KLF13: variants seen among roughly 807,000 people sequenced by gnomAD.
The protein encoded by KLF13 is KLF transcription factor 13, also known as Krueppel-like factor 13.
A neutral mutation model predicts 16.7 loss-of-function variants in KLF13; 8 were observed. That is an observed-to-expected ratio of 0.48 (90% CI 0.28 to 0.87). The LOEUF is 0.87. KLF13 is among the 40% of genes least tolerant of loss of function. The probability of loss-of-function intolerance (pLI) is 0.10; values close to 1 mark genes in which losing one functional copy is unlikely to be tolerated. For missense variants in KLF13, 447 were observed against 452.2 expected (o/e 0.99, Z 0.10); for synonymous variants, 245 against 208.4 (o/e 1.18, Z -1.51).
chr15:31,393,861 A>G (rs1172048396), intron 2 of KLF13, among the ~76,000 whole-genome samples: 1 of 152,074 alleles, frequency 6.6e-6, no homozygotes. Flanking sequence ...GCCTGGCTGG[A>G]GGGCACCGGG....
chr15:31,338,585 G>T (rs1003341095), intron 1 of KLF13, among the ~76,000 whole-genome samples: 3 of 152,200 alleles, frequency 2.0e-5, no homozygotes, highest in African/African-American at 7.2e-5. Context: ...AGCCGTGGCT[G>T]TGTAGGCAGA....
intron 1 of KLF13, among the ~76,000 whole-genome samples, chr15:31,355,857 A>C (rs1469922521): frequency 6.6e-6 from 1 of 150,988 alleles, no homozygotes; most frequent in Non-Finnish European, 1.5e-5. Flanking sequence ...CCACACACCC[A>C]GTGTGGCCTG....
intron 1 of KLF13, among the ~76,000 whole-genome samples, chr15:31,386,896 G>C (rs1284114523): frequency 6.6e-6 from 1 of 152,184 alleles, no homozygotes; most frequent in South Asian, 2.1e-4. Context: ...ATGACAGCAC[G>C]TCTATTTACA....
At chr15:31,401,470 T>C (rs1041995070) in intron 2 of KLF13, among the ~76,000 whole-genome samples, 1 of 152,284 alleles carries the variant, frequency 6.6e-6, no homozygotes, top group Middle Eastern at 3.4e-3. Flanking sequence ...GGCTGCCTGC[T>C]TTGAGGGGAG....
chr15:31,327,255 C>G lies in KLF13; in HGVS notation c.43C>G (p.Leu15Val). The G allele has an allele frequency of 7.3e-7, 1 of 1,376,846 alleles. No homozygotes were observed. Among genetic ancestry groups the G allele is most frequent in the Non-Finnish European group, 9.4e-7 (1 of 1,063,350 alleles). The allele number at this position is 1,376,846 out of a possible 1,614,324, so 85.3% of individuals were successfully genotyped here. A position where few individuals can be genotyped will look rare whatever the true frequency, so the allele number is the denominator to read the frequency against. The change falls in exon 1 of 2, where the codon CTC becomes GTC. Residue 15 changes from leucine to valine, a missense_variant. Transcript: ENST00000307145. ...AYVDHFAAECLVSMSSRAVVH... is the reference protein window; with the variant it reads ...AYVDHFAAECVVSMSSRAVVH... ...TGTGGACCACTTCGCCGCCGAGTGC[C>G]TCGTGTCCATGTCGAGCCGCGCGGT...
chr15:31,414,903 A>G (rs1277908940), intron 1 of KLF13, among the ~76,000 whole-genome samples: 1 of 152,300 alleles, frequency 6.6e-6, no homozygotes, highest in Admixed American at 6.5e-5. Flanking sequence ...TCCAAATCTC[A>G]TGTTGAAATT....
chr15:31,388,761 A>T (rs543206230), upstream of KLF13, among the ~76,000 whole-genome samples: 1 of 137,724 alleles, frequency 7.3e-6, no homozygotes, highest in South Asian at 2.4e-4. Context: ...AGGTTAAAAA[A>T]TCCCAAAAAA....
At chr15:31,385,435 T>C (rs139558731) in intron 1 of KLF13, among the ~76,000 whole-genome samples, 12 of 152,384 alleles carry the variant, frequency 7.9e-5, no homozygotes, top group Middle Eastern at 6.8e-3. Flanking sequence ...TTGTGTTTTT[T>C]AGAAATTGAA....
chr15:31,355,123 G>T lies in KLF13; in HGVS notation c.578-16887G>T, dbSNP rs150763288. Among the ~76,000 whole-genome samples, 217 of 152,322 alleles carry T rather than the reference G, an allele frequency of 1.4e-3. 2 individuals are homozygous for T. Among genetic ancestry groups the T allele is most frequent in the African/African-American group, 5.1e-3 (211 of 41,566 alleles). On this transcript the variant is annotated intron_variant, in intron 1 of 1. Transcript: ENST00000307145. ...GTAAAAAGAAGGCAACCAGGACACA[G>T]GTGTTTATGAGATCAAAAGCAACAA...
At chr15:31,329,262 T>G in intron 1 of KLF13, among the ~76,000 whole-genome samples, 1 of 77,444 alleles carries the variant, frequency 1.3e-5, no homozygotes. Context: ...GGCTGCAGGG[T>G]GGGTGTGGCC....
chr15:31,412,258 T>G (rs1007850999), intron 1 of KLF13, among the ~76,000 whole-genome samples: 5 of 152,230 alleles, frequency 3.3e-5, no homozygotes, highest in African/African-American at 1.2e-4. Flanking sequence ...CACCTTGATC[T>G]TAGACTTTCT....
intron 1 of KLF13, among the ~76,000 whole-genome samples, chr15:31,359,149 C>T (rs767572367): frequency 4.4e-4 from 67 of 152,146 alleles, no homozygotes; most frequent in Non-Finnish European, 8.5e-4. Flanking sequence ...GGCAAGGGGC[C>T]GATATACGTC....
At chr15:31,356,596 G>A (rs1386566740) in intron 1 of KLF13, among the ~76,000 whole-genome samples, 2 of 152,202 alleles carry the variant, frequency 1.3e-5, no homozygotes, top group Non-Finnish European at 2.9e-5. Context: ...CTGTTCCTGC[G>A]TTAATTCACT....
At chr15:31,339,057 G>A (rs2038980402) in intron 1 of KLF13, among the ~76,000 whole-genome samples, 1 of 152,062 alleles carries the variant, frequency 6.6e-6, no homozygotes, top group Admixed American at 6.5e-5. Context: ...GGATGCCCTG[G>A]CGGCCTGTCC....
intron 1 of KLF13, among the ~76,000 whole-genome samples, chr15:31,332,445 T>G (rs567406912): frequency 9.2e-5 from 14 of 152,318 alleles, no homozygotes; most frequent in Non-Finnish European, 1.6e-4. Flanking sequence ...TTGGAAAGTG[T>G]GTGGTGGGCG....
chr15:31,394,675 A>G lies in KLF13; in HGVS notation n.529+984A>G, dbSNP rs138620115. ...AACTTTTTTGAGATATAATTCACAT[A>G]TATAATTCACCCATTTACTGTATGT... On this transcript the variant is annotated intron_variant and non_coding_transcript_variant, in intron 2 of 2. Transcript: ENST00000500533. 3.8e-3 allele frequency among the ~76,000 whole-genome samples: 580 copies of G among 152,338 alleles called. 2 individuals are homozygous for G. The highest frequency in any genetic ancestry group is 0.013 in the African/African-American group (559 of 41,580).
At chr15:31,400,187 A>G (rs2040014588) in intron 2 of KLF13, among the ~76,000 whole-genome samples, 1 of 152,212 alleles carries the variant, frequency 6.6e-6, no homozygotes, top group African/African-American at 2.4e-5. Context: ...CAATGGGGAA[A>G]AGGTATTCCC....
At chr15:31,423,496 G>A (rs2040369173) in intron 1 of KLF13, among the ~76,000 whole-genome samples, 1 of 151,940 alleles carries the variant, frequency 6.6e-6, no homozygotes, top group African/African-American at 2.4e-5. Context: ...GCCGGGTGTG[G>A]TGGTGGGTGC....
intron 1 of KLF13, among the ~76,000 whole-genome samples, chr15:31,345,671 G>A (rs576133827): frequency 6.6e-6 from 1 of 152,330 alleles, no homozygotes; most frequent in South Asian, 2.1e-4. Flanking sequence ...CTGTCTTCCA[G>A]TGGCCCTACA....
Sources: allele counts gnomAD v4.1 joint callset (sites outside exome capture counted in the v4.1 genomes callset), GRCh38; gene constraint gnomAD v4.1.1; transcripts MANE v1.5; gene names NCBI Gene and HGNC (gene_info 2026-07-23, HGNC 2026-07-21).